AGBL4: variants seen among roughly 807,000 people sequenced by gnomAD.
AGBL4 encodes AGBL carboxypeptidase 4.
Under a neutral mutation model 66.4 loss-of-function variants are expected in AGBL4, and 58 were observed. That is an observed-to-expected ratio of 0.87 (90% CI 0.71 to 1.09). AGBL4 has a LOEUF of 1.09. Ranked by LOEUF, AGBL4 falls within the 50% of genes least tolerant of loss-of-function variation. The probability of loss-of-function intolerance (pLI) is 0.00; values close to 1 mark genes in which losing one functional copy is unlikely to be tolerated. For missense variants in AGBL4, 579 were observed against 631.0 expected (o/e 0.92, Z 0.88); for synonymous variants, 234 against 222.9 (o/e 1.05, Z -0.44).
chr1:48,961,010 A>T (rs1657920885), intron 5 of AGBL4, among the ~76,000 whole-genome samples: 1 of 152,160 alleles, frequency 6.6e-6, no homozygotes, highest in Admixed American at 6.5e-5. Context: ...TAGGACCCTA[A>T]TCTGGGATAT....
chr1:49,350,364 C>T (rs973801425), intron 3 of AGBL4, among the ~76,000 whole-genome samples: 4 of 151,400 alleles, frequency 2.6e-5, no homozygotes, highest in East Asian at 1.9e-4. Context: ...CCACTACGCC[C>T]GGCTAATTTT....
intron 4 of AGBL4, among the ~76,000 whole-genome samples, chr1:49,159,765 T>C (rs1646505086): frequency 6.6e-6 from 1 of 152,184 alleles, no homozygotes; most frequent in Non-Finnish European, 1.5e-5. Context: ...TCATTCCTTT[T>C]CATTCTTTAT....
chr1:49,819,107 A>C (rs1490518293), intron 2 of AGBL4, among the ~76,000 whole-genome samples: 1 of 152,158 alleles, frequency 6.6e-6, no homozygotes, highest in Non-Finnish European at 1.5e-5. Context: ...TGTTTCCTGG[A>C]ATATAATAGA....
chr1:49,468,679 C>T (rs934318211), intron 3 of AGBL4, among the ~76,000 whole-genome samples: 2 of 151,754 alleles, frequency 1.3e-5, no homozygotes, highest in Non-Finnish European at 2.9e-5. Flanking sequence ...ATTCACTATG[C>T]TATGTATTTC....
intron 2 of AGBL4, among the ~76,000 whole-genome samples, chr1:49,740,104 C>A (rs1650300936): frequency 6.6e-6 from 1 of 152,090 alleles, no homozygotes; most frequent in Non-Finnish European, 1.5e-5. Flanking sequence ...CACAGACTGG[C>A]AAATTGGATA....
intron 6 of AGBL4, chr1:48,742,886 T>C: frequency 3.7e-6 from 4 of 1,082,504 alleles, no homozygotes; most frequent in Non-Finnish European, 5.0e-6. Flanking sequence ...AGCTTATTTT[T>C]GTCCATTGAA....
chr1:49,765,458 T>G (rs764579178), intron 2 of AGBL4, among the ~76,000 whole-genome samples: 16 of 151,866 alleles, frequency 1.1e-4, no homozygotes, highest in Non-Finnish European at 8.8e-5. Flanking sequence ...AAAAATCCTA[T>G]TCACAAAAAA....
chr1:48,853,125 T>C (rs1647070374), intron 6 of AGBL4, among the ~76,000 whole-genome samples: 1 of 152,144 alleles, frequency 6.6e-6, no homozygotes, highest in South Asian at 2.1e-4. Flanking sequence ...AGGAAGTCAA[T>C]TGCCATGTTG....
chr1:49,946,556 G>T (rs1655225598), intron 1 of AGBL4, among the ~76,000 whole-genome samples: 2 of 151,820 alleles, frequency 1.3e-5, no homozygotes, highest in Non-Finnish European at 2.9e-5. Context: ...ATACAGCAAA[G>T]GCAGTGCTAA....
intron 3 of AGBL4, among the ~76,000 whole-genome samples, chr1:49,412,506 C>T (rs997111502): frequency 5.3e-5 from 8 of 152,120 alleles, no homozygotes; most frequent in Non-Finnish European, 1.2e-4. Context: ...AACAACCAGT[C>T]CCTGTATAAC....
At chr1:48,541,844 C>CT (rs930634971) in intron 11 of AGBL4, among the ~76,000 whole-genome samples, 37 of 151,658 alleles carry the variant, frequency 2.4e-4, no homozygotes, top group African/African-American at 8.0e-4. Flanking sequence ...GCTAGGCAAT[C>CT]TTTTTTTTTA....
chr1:49,215,510 C>T (rs1257648461), intron 4 of AGBL4, among the ~76,000 whole-genome samples: 1 of 152,030 alleles, frequency 6.6e-6, no homozygotes, highest in African/African-American at 2.4e-5. Context: ...TGCCAGAATT[C>T]CTATACATTC....
chr1:48,996,777 C>A (rs1167933566), intron 5 of AGBL4, among the ~76,000 whole-genome samples: 2 of 147,582 alleles, frequency 1.4e-5, no homozygotes. Context: ...TGATTTATAG[C>A]CAGAGGAAAA....
chr1:49,748,926 G>C (rs1409269505), intron 2 of AGBL4, among the ~76,000 whole-genome samples: 1 of 152,128 alleles, frequency 6.6e-6, no homozygotes, highest in African/African-American at 2.4e-5. Flanking sequence ...CAGATGGATA[G>C]ATTGCAAAAA....
chr1:49,108,817 C>T, intron 4 of AGBL4, among the ~76,000 whole-genome samples: 1 of 152,106 alleles, frequency 6.6e-6, no homozygotes, highest in East Asian at 1.9e-4. Context: ...AGGTTTGCTC[C>T]ACTCTTCACC....
intron 4 of AGBL4, among the ~76,000 whole-genome samples, chr1:49,226,476 A>C (rs143828951): frequency 4.6e-5 from 7 of 152,238 alleles, no homozygotes; most frequent in African/African-American, 1.7e-4. Context: ...ATGTCTTACT[A>C]ACAACAAATC....
intron 5 of AGBL4, among the ~76,000 whole-genome samples, chr1:48,971,293 T>C (rs1055349042): frequency 6.6e-6 from 1 of 152,092 alleles, no homozygotes; most frequent in Non-Finnish European, 1.5e-5. Flanking sequence ...ATGAGGGATC[T>C]GGGTTGTGTG....
chr1:48,895,532 G>A (rs1357979554), intron 5 of AGBL4, among the ~76,000 whole-genome samples: 2 of 152,236 alleles, frequency 1.3e-5, no homozygotes, highest in African/African-American at 2.4e-5. Flanking sequence ...GAGCGATGAC[G>A]ATGGCAGAGA....
At chr1:49,483,477 C>A (rs769280117) in intron 3 of AGBL4, among the ~76,000 whole-genome samples, 1 of 151,758 alleles carries the variant, frequency 6.6e-6, no homozygotes, top group Admixed American at 6.6e-5. Flanking sequence ...TAAAAAAATT[C>A]CTAAATTCAT....
Sources: allele counts gnomAD v4.1 joint callset (sites outside exome capture counted in the v4.1 genomes callset), GRCh38; gene constraint gnomAD v4.1.1; transcripts MANE v1.5; gene names NCBI Gene and HGNC (gene_info 2026-07-23, HGNC 2026-07-21).